Variants in TTC7B observed in about 807,000 individuals in gnomAD.
TTC7B encodes tetratricopeptide repeat domain 7B.
Under a neutral mutation model 106.8 loss-of-function variants are expected in TTC7B, and 28 were observed. The ratio of observed to expected loss-of-function variants is 0.26; its 90% CI spans 0.19 to 0.36. The LOEUF is 0.36. Ranked by LOEUF, TTC7B falls within the 10% of genes least tolerant of loss-of-function variation. The probability of loss-of-function intolerance (pLI) is 1.00; values close to 1 mark genes in which losing one functional copy is unlikely to be tolerated. For missense variants in TTC7B, 862 were observed against 1,076.4 expected (o/e 0.80, Z 2.79); for synonymous variants, 405 against 430.6 (o/e 0.94, Z 0.74).
chr14:90,639,660 C>A (rs1415246337), intron 15 of TTC7B, among the ~76,000 whole-genome samples: 2 of 152,188 alleles, frequency 1.3e-5, no homozygotes, highest in African/African-American at 4.8e-5. Flanking sequence ...ACAAATCCTA[C>A]GACCTAACTA....
chr14:90,771,961 A>G (rs1248756789), intron 3 of TTC7B, among the ~76,000 whole-genome samples: 4 of 140,760 alleles, frequency 2.8e-5, no homozygotes, highest in African/African-American at 2.8e-5. Context: ...ATATAAATAT[A>G]TAATTATATA....
chr14:90,730,291 C>A (rs946303827), intron 4 of TTC7B, 95 bp from the exon 5 acceptor site: 10 of 1,437,224 alleles, frequency 7.0e-6, no homozygotes, highest in African/African-American at 5.8e-5. Flanking sequence ...ACCTAAAAAA[C>A]CAACTTCCTC....
chr14:90,667,378 GGCCTGA>G (rs1480430509), intron 9 of TTC7B, among the ~76,000 whole-genome samples: 1 of 152,154 alleles, frequency 6.6e-6, no homozygotes, highest in Non-Finnish European at 1.5e-5. Flanking sequence ...GCTGAGCTAT[GGCCTGA>G]GGGCCCATTA....
intron 3 of TTC7B, among the ~76,000 whole-genome samples, chr14:90,765,109 C>G (rs1292519158): frequency 6.6e-6 from 1 of 152,144 alleles, no homozygotes; most frequent in Non-Finnish European, 1.5e-5. Context: ...ATGGTATATC[C>G]ATACAATGTA....
intron 2 of TTC7B, among the ~76,000 whole-genome samples, chr14:90,781,933 A>G (rs975939884): frequency 6.6e-6 from 1 of 152,176 alleles, no homozygotes; most frequent in Non-Finnish European, 1.5e-5. Context: ...CACCTATATA[A>G]GGAAACAGAT....
chr14:90,810,321 G>A (rs190217748), intron 1 of TTC7B, among the ~76,000 whole-genome samples: 42 of 152,242 alleles, frequency 2.8e-4, no homozygotes, highest in African/African-American at 1.0e-3. Context: ...AAGGGCTTCC[G>A]AAAAAGGGTT....
chr14:90,580,693 C>T (rs1359658917), intron 18 of TTC7B, among the ~76,000 whole-genome samples: 1 of 152,254 alleles, frequency 6.6e-6, no homozygotes, highest in Non-Finnish European at 1.5e-5. Flanking sequence ...GCCATCACTG[C>T]AGCCTCCTTC....
At chr14:90,709,392 T>C (rs1261877177) in intron 5 of TTC7B, among the ~76,000 whole-genome samples, 1 of 150,986 alleles carries the variant, frequency 6.6e-6, no homozygotes, top group African/African-American at 2.4e-5. Context: ...TGTAGGGACA[T>C]GGATGAAGCT....
chr14:90,597,952 T>C (rs1350264120), intron 17 of TTC7B, among the ~76,000 whole-genome samples: 2 of 152,214 alleles, frequency 1.3e-5, no homozygotes, highest in Non-Finnish European at 2.9e-5. Flanking sequence ...TATTTCCAAT[T>C]TGAAATCCAA....
chr14:90,688,878 T>C (rs909893691), intron 7 of TTC7B, among the ~76,000 whole-genome samples: 6 of 152,046 alleles, frequency 3.9e-5, no homozygotes, highest in Admixed American at 3.3e-4. Flanking sequence ...ATGGGAGGCA[T>C]TGAGAATGAG....
chr14:90,610,941 G>T, intron 16 of TTC7B, 102 bp from the exon 17 acceptor site: 1 of 821,982 alleles, frequency 1.2e-6, no homozygotes, highest in Non-Finnish European at 2.1e-6. Flanking sequence ...AATACTTTCT[G>T]TGCATTTTTT....
intron 9 of TTC7B, among the ~76,000 whole-genome samples, chr14:90,668,118 CA>C (rs3061073): frequency 0.29 from 41,573 of 142,600 alleles, 5,839 homozygotes; most frequent in African/African-American, 0.35. Context: ...TAAGACCAAC[CA>C]AAAAAAAAAA....
intron 15 of TTC7B, among the ~76,000 whole-genome samples, chr14:90,641,490 C>T (rs1171794470): frequency 1.3e-5 from 2 of 152,164 alleles, no homozygotes; most frequent in African/African-American, 4.8e-5. Flanking sequence ...AATCTTGTTT[C>T]GGTTGGTGTT....
At chr14:90,645,628 A>T (rs934243333) in intron 14 of TTC7B, among the ~76,000 whole-genome samples, 4 of 152,138 alleles carry the variant, frequency 2.6e-5, no homozygotes, top group Non-Finnish European at 5.9e-5. Context: ...TGTGAATAGC[A>T]CTCAACCTGG....
intron 15 of TTC7B, among the ~76,000 whole-genome samples, chr14:90,633,368 C>A (rs898207908): frequency 5.3e-5 from 8 of 152,280 alleles, no homozygotes; most frequent in African/African-American, 1.9e-4. Flanking sequence ...AATTGCATAA[C>A]CACAATTGTC....
At position 90,568,408 on chromosome 14, in the gene TTC7B, G is replaced by A. The variant is rs545403157; in HGVS notation, c.2310+9698C>T. 5.9e-5 allele frequency among the ~76,000 whole-genome samples: 9 copies of A among 152,372 alleles called. No homozygotes were observed. In the East Asian group the frequency reaches 1.7e-3, roughly 29 times the overall value. On this transcript the variant is annotated intron_variant, in intron 19 of 19. Transcript: ENST00000328459. ...GGCTAGAGTATGTCAGATTTTAAAT[G>A]ATTTTAGATCATAATTACTAATGAC...
At chr14:90,571,936 GC>G (rs1356679728) in intron 19 of TTC7B, among the ~76,000 whole-genome samples, 1 of 152,196 alleles carries the variant, frequency 6.6e-6, no homozygotes, top group Non-Finnish European at 1.5e-5. Flanking sequence ...TTCTGGAGGA[GC>G]CCCCTGGGAA....
At chr14:90,707,443 A>T (rs1888255220) in intron 5 of TTC7B, among the ~76,000 whole-genome samples, 1 of 152,334 alleles carries the variant, frequency 6.6e-6, no homozygotes, top group Non-Finnish European at 1.5e-5. Flanking sequence ...CTCTTACTTT[A>T]AATCAAAAGC....
At chr14:90,629,516 C>A (rs1264271300) in intron 15 of TTC7B, among the ~76,000 whole-genome samples, 1 of 152,300 alleles carries the variant, frequency 6.6e-6, no homozygotes, top group Non-Finnish European at 1.5e-5. Flanking sequence ...GGCTACTCTG[C>A]ACGGACAAAG....
Sources: allele counts gnomAD v4.1 joint callset (sites outside exome capture counted in the v4.1 genomes callset), GRCh38; gene constraint gnomAD v4.1.1; transcripts MANE v1.5; gene names NCBI Gene and HGNC (gene_info 2026-07-23, HGNC 2026-07-21).